The following PDE1C variants were observed in gnomAD, a reference collection of about 807,000 sequenced individuals.
The protein encoded by PDE1C is phosphodiesterase 1C, also known as dual specificity calcium/calmodulin-dependent 3',5'-cyclic nucleotide phosphodiesterase 1C.
In PDE1C, 62 loss-of-function variants were observed where a neutral mutation model predicts 93.1. The observed-to-expected ratio is 0.67, with a 90% CI of 0.54 to 0.82. The LOEUF (loss-of-function observed/expected upper bound fraction) is 0.82. Ranked by LOEUF, PDE1C falls within the 40% of genes least tolerant of loss-of-function variation. The pLI is 0.00. For synonymous variants in PDE1C, 325 were observed against 310.1 expected, an observed-to-expected ratio of 1.05 and a Z score of -0.50; for missense variants, 742 against 884.6, an observed-to-expected ratio of 0.84 and a Z score of 2.04.
At chr7:32,158,481 G>C (rs1331533332) in intron 3 of PDE1C, among the ~76,000 whole-genome samples, 2 of 152,186 alleles carry the variant, frequency 1.3e-5, no homozygotes, top group Non-Finnish European at 2.9e-5. Flanking sequence ...GGGCTGTTTA[G>C]TCAATGACCA....
At chr7:31,645,094 T>G in the PDE1C span, among the ~76,000 whole-genome samples, 1 of 152,208 alleles carries the variant, frequency 6.6e-6, no homozygotes, top group East Asian at 1.9e-4. Flanking sequence ...AATAATTATC[T>G]CAATGCCTCC....
At chr7:31,898,457 CTGATA>C in intron 2 of PDE1C, among the ~76,000 whole-genome samples, 1 of 152,150 alleles carries the variant, frequency 6.6e-6, no homozygotes, top group East Asian at 1.9e-4. Context: ...GAGTTTTTCT[CTGATA>C]TAATTTTAAT....
At chr7:32,338,154 G>T (rs77772894) in intron 1 of PDE1C, among the ~76,000 whole-genome samples, 8,693 of 152,154 alleles carry the variant, frequency 0.057, 368 homozygotes, top group Non-Finnish European at 0.081. Context: ...GTGCATCAAA[G>T]GACACAATCA....
At chr7:31,973,329 A>T (rs1811217970) in intron 2 of PDE1C, among the ~76,000 whole-genome samples, 1 of 152,158 alleles carries the variant, frequency 6.6e-6, no homozygotes, top group African/African-American at 2.4e-5. Flanking sequence ...ATATTTGCTA[A>T]AAAACAAACC....
At chr7:32,153,945 G>T (rs1159856301) in intron 3 of PDE1C, among the ~76,000 whole-genome samples, 1 of 152,154 alleles carries the variant, frequency 6.6e-6, no homozygotes, top group Non-Finnish European at 1.5e-5. Flanking sequence ...AATTCCTAGT[G>T]ATATTTTATA....
At chr7:32,355,344 A>G (rs868029971) in intron 1 of PDE1C, among the ~76,000 whole-genome samples, 2 of 152,354 alleles carry the variant, frequency 1.3e-5, no homozygotes, top group South Asian at 4.1e-4. Flanking sequence ...ACTTAAATAG[A>G]AAACACGCAG....
the PDE1C span, among the ~76,000 whole-genome samples, chr7:31,620,977 C>A: frequency 6.6e-6 from 1 of 151,540 alleles, no homozygotes. Flanking sequence ...CCTCAGGAGC[C>A]AATGCGATCA....
chr7:31,653,580 G>A, the PDE1C span: 1 of 151,758 alleles, frequency 6.6e-6, no homozygotes, highest in South Asian at 2.1e-4. Context: ...GGGACCACAA[G>A]GAATTTCCCA....
intron 1 of PDE1C, among the ~76,000 whole-genome samples, chr7:32,210,953 A>T (rs922137037): frequency 1.3e-5 from 2 of 152,316 alleles, no homozygotes; most frequent in East Asian, 3.9e-4. Flanking sequence ...CGGGTGGCTC[A>T]CGCCTGTAGT....
intron 1 of PDE1C, among the ~76,000 whole-genome samples, chr7:32,306,384 G>C (rs1336373645): frequency 1.3e-5 from 2 of 152,136 alleles, no homozygotes; most frequent in Non-Finnish European, 2.9e-5. Flanking sequence ...GGGAGCCTGT[G>C]AGTCATTACT....
At chr7:31,634,527 C>G in the PDE1C span, among the ~76,000 whole-genome samples, 9 of 152,272 alleles carry the variant, frequency 5.9e-5, no homozygotes, top group African/African-American at 1.4e-4. Context: ...CACACAGCCT[C>G]TAAGTAGGAG....
chr7:31,874,416 C>T (rs919122375), intron 5 of PDE1C, among the ~76,000 whole-genome samples: 2 of 152,206 alleles, frequency 1.3e-5, no homozygotes, highest in African/African-American at 4.8e-5. Context: ...AGCTTGACAG[C>T]AAGGATTCAC....
At chr7:32,202,818 G>T (rs921036291) in intron 2 of PDE1C, among the ~76,000 whole-genome samples, 1 of 152,222 alleles carries the variant, frequency 6.6e-6, no homozygotes, top group South Asian at 2.1e-4. Context: ...GTGGTTGATT[G>T]ATTGGTTGGT....
intron 1 of PDE1C, among the ~76,000 whole-genome samples, chr7:32,356,457 G>C (rs1378966150): frequency 6.6e-6 from 1 of 152,214 alleles, no homozygotes; most frequent in Non-Finnish European, 1.5e-5. Flanking sequence ...AGACCATGAA[G>C]ACATGAGCCC....
Position 32,183,601 on chromosome 7 carries a change from T to G in PDE1C, c.137-13645A>C, listed in dbSNP as rs1196270028. ...GCTGGGAAAACGGGCTAGCCATATG[T>G]AGAAAGCTAAAACTGGATCCCTTCC... On this transcript the variant is annotated intron_variant, in intron 2 of 18. Coordinates refer to the PDE1C transcript ENST00000396193. 5.9e-5 allele frequency among the ~76,000 whole-genome samples: 9 copies of G among 152,306 alleles called. No individual in the cohort carries two copies. The South Asian group carries it at 1.0e-3, about 18-fold the overall frequency.
At chr7:31,617,303 C>T in the PDE1C span, among the ~76,000 whole-genome samples, 10 of 151,964 alleles carry the variant, frequency 6.6e-5, no homozygotes, top group African/African-American at 1.7e-4. Flanking sequence ...ATGGGTTTCT[C>T]AACAAGTATT....
chr7:31,831,242 T>C (rs1474811198), intron 11 of PDE1C, among the ~76,000 whole-genome samples: 1 of 152,156 alleles, frequency 6.6e-6, no homozygotes, highest in African/African-American at 2.4e-5. Flanking sequence ...GGATTTAAGA[T>C]AGCATAGTAA....
At chr7:31,803,398 T>TA (rs200287697) in intron 16 of PDE1C, among the ~76,000 whole-genome samples, 22,453 of 150,230 alleles carry the variant, frequency 0.15, 1,730 homozygotes, top group South Asian at 0.18. Context: ...GGCTTTTTCT[T>TA]TTTATTATTA....
At chr7:31,850,577 C>CA in intron 8 of PDE1C, 64 bp downstream of exon 8, 2 of 1,102,428 alleles carry the variant, frequency 1.8e-6, no homozygotes, top group Non-Finnish European at 2.8e-6. Context: ...TAACACCTTT[C>CA]TGATTTCTAA....
Sources: gnomAD v4.1 joint callset for allele counts (sites outside exome capture counted in the v4.1 genomes callset) on GRCh38, gnomAD v4.1.1 for gene constraint, MANE v1.5 for transcripts, NCBI Gene and HGNC (gene_info 2026-07-23, HGNC 2026-07-21) for gene names.